Variants in DIP2B observed in about 807,000 individuals in gnomAD.
DIP2B encodes the protein DIP2 acetate--CoA ligase B (putative).
DIP2B carries 76 observed loss-of-function variants against 198.0 expected under a neutral mutation model. The ratio of observed to expected loss-of-function variants is 0.38; its 90% CI spans 0.32 to 0.46. The LOEUF (loss-of-function observed/expected upper bound fraction) is 0.46, where lower values mean the gene tolerates loss of function less well. Ranked by LOEUF, DIP2B falls within the 20% of genes least tolerant of loss-of-function variation. DIP2B has a pLI of 0.99. For synonymous variants in DIP2B, 701 were observed against 739.1 expected, an observed-to-expected ratio of 0.95 and a Z score of 0.84; for missense variants, 1,559 against 1,978.4, an observed-to-expected ratio of 0.79 and a Z score of 4.02.
intron 3 of DIP2B, among the ~76,000 whole-genome samples, chr12:50,647,250 A>G (rs1239611427): frequency 6.6e-6 from 1 of 151,942 alleles, no homozygotes; most frequent in Non-Finnish European, 1.5e-5. Flanking sequence ...GGGTTTCACC[A>G]TGTTGCCTAA....
chr12:50,699,219 T>C lies in DIP2B; in HGVS notation c.2325+17T>C, dbSNP rs1565875087. Reference sequence around the variant, plus strand: ...ACATTTGAGGTACATGATATTAACATTTCACAGGGAAAATGTTTGGGGATT... The same window carrying C: ...ACATTTGAGGTACATGATATTAACACTTCACAGGGAAAATGTTTGGGGATT... On this transcript the variant is annotated intron_variant, in intron 19 of 37. Transcript: ENST00000301180. 6.2e-7 allele frequency: 1 copy of C among 1,613,790 alleles called. No individual in the cohort carries two copies. Among genetic ancestry groups the C allele is most frequent in the Non-Finnish European group, 8.5e-7 (1 of 1,179,888 alleles).
chr12:50,610,547 C>T (rs1407912217), intron 1 of DIP2B, among the ~76,000 whole-genome samples: 2 of 150,904 alleles, frequency 1.3e-5, no homozygotes, highest in Non-Finnish European at 1.5e-5. Context: ...CTCTGTACAT[C>T]CAGGCTAGAG....
At chr12:50,692,478 G>T (rs1396847664) in intron 13 of DIP2B, among the ~76,000 whole-genome samples, 2 of 152,086 alleles carry the variant, frequency 1.3e-5, no homozygotes, top group African/African-American at 4.8e-5. Context: ...TACCCTATGA[G>T]CAGTCCTCTA....
chr12:50,576,378 T>TC (rs1301111365), intron 1 of DIP2B, among the ~76,000 whole-genome samples: 6 of 151,404 alleles, frequency 4.0e-5, no homozygotes, highest in Non-Finnish European at 8.8e-5. Context: ...TTTTTTTTTT[T>TC]ACATTTTTAA....
intron 3 of DIP2B, among the ~76,000 whole-genome samples, chr12:50,656,540 T>G (rs942274907): frequency 2.0e-5 from 3 of 152,184 alleles, no homozygotes; most frequent in African/African-American, 7.2e-5. Context: ...CATAGTGATA[T>G]AAATAACTAA....
intron 1 of DIP2B, among the ~76,000 whole-genome samples, chr12:50,540,206 T>A (rs1958310368): frequency 6.6e-6 from 1 of 151,036 alleles, no homozygotes; most frequent in East Asian, 1.9e-4. Flanking sequence ...CCTCCCAGGT[T>A]TAAGCAATTC....
intron 1 of DIP2B, among the ~76,000 whole-genome samples, chr12:50,506,671 C>T (rs1957971252): frequency 6.6e-6 from 1 of 152,154 alleles, no homozygotes; most frequent in South Asian, 2.1e-4. Flanking sequence ...TAGGAATCCT[C>T]TGGGTTTGTC....
intron 19 of DIP2B, among the ~76,000 whole-genome samples, chr12:50,702,131 C>T (rs1425291362): frequency 6.6e-6 from 1 of 151,772 alleles, no homozygotes; most frequent in Non-Finnish European, 1.5e-5. Flanking sequence ...GGGCGGATCA[C>T]GAGGTCAGGA....
chr12:50,626,148 C>G lies in DIP2B; in HGVS notation c.172+101C>G, dbSNP rs1937930303. On this transcript the variant is annotated intron_variant, in intron 2 of 37. Transcript: ENST00000301180. ...TTTGTTTGTTCCTGTTTTTCCCTCC[C>G]TTCCTCACCAGGGGAGAGAAAAAAA... 15 of 1,233,882 alleles carry G rather than the reference C, an allele frequency of 1.2e-5. No individual in the cohort carries two copies. The South Asian group carries it at 2.0e-4, about 16-fold the overall frequency. The allele number at this position is 1,233,882 out of a possible 1,614,324, so 76.4% of individuals were successfully genotyped here. A position where few individuals can be genotyped will look rare whatever the true frequency, so the allele number is the denominator to read the frequency against.
At chr12:50,548,981 G>T (rs1428467249) in intron 1 of DIP2B, among the ~76,000 whole-genome samples, 4 of 152,160 alleles carry the variant, frequency 2.6e-5, no homozygotes, top group Admixed American at 2.0e-4. Context: ...CTTCACACAG[G>T]TTACAGCTTA....
At chr12:50,600,378 G>A (rs779150260) in intron 1 of DIP2B, among the ~76,000 whole-genome samples, 4 of 152,154 alleles carry the variant, frequency 2.6e-5, no homozygotes, top group Non-Finnish European at 5.9e-5. Context: ...CCACAGAAAT[G>A]TCCTTGTTGT....
intron 1 of DIP2B, among the ~76,000 whole-genome samples, chr12:50,574,764 T>A (rs1958643855): frequency 1.3e-5 from 2 of 152,184 alleles, no homozygotes; most frequent in Non-Finnish European, 2.9e-5. Flanking sequence ...GAAGAATGGG[T>A]TGGTGCCAGG....
chr12:50,707,481 C>T (rs1001854183), intron 21 of DIP2B, among the ~76,000 whole-genome samples: 12 of 152,182 alleles, frequency 7.9e-5, no homozygotes, highest in African/African-American at 2.4e-4. Flanking sequence ...GCAGACATGC[C>T]GGCAGACTCT....
intron 25 of DIP2B, among the ~76,000 whole-genome samples, chr12:50,719,861 T>G (rs576274880): frequency 6.8e-6 from 1 of 146,820 alleles, no homozygotes; most frequent in Non-Finnish European, 1.5e-5. Flanking sequence ...AAAGAAAAAA[T>G]ATATATATTA....
chr12:50,611,682 TC>T (rs1959033244), intron 1 of DIP2B, among the ~76,000 whole-genome samples: 1 of 152,122 alleles, frequency 6.6e-6, no homozygotes, highest in East Asian at 1.9e-4. Flanking sequence ...CAGTACTAGA[TC>T]CCTTCAGTCG....
At chr12:50,527,968 C>A in intron 1 of DIP2B, among the ~76,000 whole-genome samples, 1 of 149,034 alleles carries the variant, frequency 6.7e-6, no homozygotes, top group Non-Finnish European at 1.5e-5. Context: ...TAGTCTGTCA[C>A]CCAGGCTGGA....
In DIP2B at chr12:50,648,177, A is replaced by G. The variant is rs568246820; in HGVS notation, c.301+7325A>G. On this transcript the variant is annotated intron_variant, in intron 3 of 37. Coordinates refer to ENST00000301180, the MANE Select transcript of DIP2B (RefSeq NM_173602.3). ...AGCAGCTACTTTGAAACTAAAAATAACATATTCCACTTAGTCTTTTTGGGA... is the reference window on the plus strand; with the variant it reads ...AGCAGCTACTTTGAAACTAAAAATAGCATATTCCACTTAGTCTTTTTGGGA... 2.6e-5 allele frequency among the ~76,000 whole-genome samples: 4 copies of G among 152,266 alleles called. No homozygotes were observed. The East Asian group carries it at 7.7e-4, about 29-fold the overall frequency.
chr12:50,529,412 G>A (rs1958196209), intron 1 of DIP2B, among the ~76,000 whole-genome samples: 1 of 152,182 alleles, frequency 6.6e-6, no homozygotes, highest in African/African-American at 2.4e-5. Context: ...TAGTATTCTG[G>A]GAAGGACTGT....
intron 1 of DIP2B, among the ~76,000 whole-genome samples, chr12:50,555,031 G>C (rs931555456): frequency 2.6e-5 from 4 of 152,132 alleles, no homozygotes; most frequent in African/African-American, 9.7e-5. Context: ...ACTTCCCAAA[G>C]TGCTGGGATT....
Sources: gnomAD v4.1 joint callset for allele counts (sites outside exome capture counted in the v4.1 genomes callset) on GRCh38, gnomAD v4.1.1 for gene constraint, MANE v1.5 for transcripts, NCBI Gene and HGNC (gene_info 2026-07-23, HGNC 2026-07-21) for gene names.